The following FAM163A variants were observed in gnomAD, a reference collection of about 807,000 sequenced individuals.
The protein encoded by FAM163A is family with sequence similarity 163 member A, also known as protein FAM163A.
In FAM163A, 7 loss-of-function variants were observed where a neutral mutation model predicts 12.0. The ratio of observed to expected loss-of-function variants is 0.58; its 90% CI spans 0.33 to 1.10. The LOEUF is 1.10. Among genes scored for constraint, FAM163A ranks in the 50% least tolerant of loss-of-function variants. FAM163A has a pLI of 0.03. For synonymous variants in FAM163A, 101 were observed against 91.0 expected, an observed-to-expected ratio of 1.11 and a Z score of -0.62; for missense variants, 202 against 218.6, an observed-to-expected ratio of 0.92 and a Z score of 0.48.
At chr1:179,735,255 A>G in the FAM163A span, among the ~76,000 whole-genome samples, 47,255 of 152,012 alleles carry the variant, frequency 0.31, 7,552 homozygotes, top group South Asian at 0.42. Context: ...AAAAGATTGG[A>G]TAAAATATGT....
chr1:179,728,143 C>T, the FAM163A span, among the ~76,000 whole-genome samples: 3 of 152,152 alleles, frequency 2.0e-5, no homozygotes, highest in Admixed American at 2.0e-4. Flanking sequence ...ATAGTAAGCA[C>T]ATCCCTATTC....
chr1:179,750,755 T>C (rs1685161305), intron 1 of FAM163A, among the ~76,000 whole-genome samples: 1 of 152,228 alleles, frequency 6.6e-6, no homozygotes, highest in Non-Finnish European at 1.5e-5. Flanking sequence ...ACTTTGGCTG[T>C]ATAATTGAAC....
At chr1:179,743,263 C>A (rs60556788), upstream of FAM163A, 34,884 of 152,224 alleles carry the variant, frequency 0.23, 4,692 homozygotes, top group East Asian at 0.63. Context: ...CCTGGAGGGG[C>A]GATGAGGCTC....
At chr1:179,778,552 T>C (rs1432764237) in intron 1 of FAM163A, among the ~76,000 whole-genome samples, 1 of 152,058 alleles carries the variant, frequency 6.6e-6, no homozygotes, top group Non-Finnish European at 1.5e-5. Context: ...AGGAAGACGT[T>C]TTACAGACCA....
chr1:179,794,930 A>C (rs1692055082), intron 1 of FAM163A, among the ~76,000 whole-genome samples: 1 of 152,206 alleles, frequency 6.6e-6, no homozygotes. Flanking sequence ...CCACTGAGCC[A>C]TGAATCTAAT....
intron 1 of FAM163A, among the ~76,000 whole-genome samples, chr1:179,747,525 C>T (rs1434444574): frequency 6.6e-6 from 1 of 152,212 alleles, no homozygotes; most frequent in Non-Finnish European, 1.5e-5. Context: ...AGGTGGAAAG[C>T]CTTCATTGAG....
chr1:179,813,017 C>CA, intron 3 of FAM163A, 59 bp from the exon 4 acceptor site: 1 of 1,494,890 alleles, frequency 6.7e-7, no homozygotes, highest in Non-Finnish European at 9.1e-7. Flanking sequence ...AAGACTCCCC[C>CA]CGGCCCAGCC....
the FAM163A span, among the ~76,000 whole-genome samples, chr1:179,731,694 C>T: frequency 2.0e-5 from 3 of 152,210 alleles, no homozygotes; most frequent in Admixed American, 6.5e-5. Flanking sequence ...GGAACAACCC[C>T]TCATAACTCC....
intron 3 of FAM163A, 100 bp from the exon 4 acceptor site, chr1:179,812,976 C>A: frequency 2.7e-6 from 3 of 1,115,564 alleles, no homozygotes; most frequent in Non-Finnish European, 3.9e-6. Flanking sequence ...TGCTCTCAGG[C>A]CCCCTGCCCC....
chr1:179,765,130 C>G (rs951348772), intron 1 of FAM163A, among the ~76,000 whole-genome samples: 10 of 152,152 alleles, frequency 6.6e-5, no homozygotes, highest in Admixed American at 1.3e-4. Flanking sequence ...TCTTCCTCGC[C>G]CCATGGCTGC....
intron 1 of FAM163A, among the ~76,000 whole-genome samples, chr1:179,777,232 ATCT>A (rs1273384185): frequency 1.3e-5 from 2 of 152,200 alleles, no homozygotes; most frequent in African/African-American, 2.4e-5. Flanking sequence ...AAGAATGGTA[ATCT>A]TCTTAAATTT....
the FAM163A span, among the ~76,000 whole-genome samples, chr1:179,734,067 G>A: frequency 6.6e-6 from 1 of 152,178 alleles, no homozygotes; most frequent in Non-Finnish European, 1.5e-5. Flanking sequence ...TGTTTTTGCA[G>A]CAAAATGAAT....
chr1:179,752,476 CAAA>C (rs33926633), intron 1 of FAM163A, among the ~76,000 whole-genome samples: 2,420 of 127,962 alleles, frequency 0.019, 36 homozygotes, highest in African/African-American at 0.057. Context: ...TTTGTACAGC[CAAA>C]AAAAAAAAAA....
At chr1:179,791,022 C>T (rs1557950703) in intron 1 of FAM163A, among the ~76,000 whole-genome samples, 3 of 152,286 alleles carry the variant, frequency 2.0e-5, no homozygotes, top group East Asian at 3.9e-4. Context: ...CCCTTTTAGG[C>T]CCACTGTACC....
chr1:179,727,811 A>C, the FAM163A span, among the ~76,000 whole-genome samples: 1 of 152,200 alleles, frequency 6.6e-6, no homozygotes, highest in Non-Finnish European at 1.5e-5. Flanking sequence ...GGTGTTTTGG[A>C]AGCATAGAGA....
intron 2 of FAM163A, among the ~76,000 whole-genome samples, chr1:179,808,968 G>A (rs968580877): frequency 8.5e-5 from 13 of 152,180 alleles, no homozygotes; most frequent in South Asian, 4.1e-4. Flanking sequence ...TTAGCCAGCC[G>A]TGGTAGCACA....
intron 1 of FAM163A, among the ~76,000 whole-genome samples, chr1:179,752,050 A>C (rs1187999914): frequency 6.6e-6 from 1 of 152,214 alleles, no homozygotes; most frequent in Admixed American, 6.5e-5. Flanking sequence ...ATTTCAAACT[A>C]TATTATAAAA....
chr1:179,765,677 A>ATTTT lies in FAM163A; in HGVS notation c.-136+22273_-136+22276dup, dbSNP rs749528573. ...CTGGTTAAGGAATTGAGCTTTGGGA[A>ATTTT]TTTTTTTTTTTTTTTTTTTTTTGCT... is the stretch of plus-strand genomic sequence containing the variant. On this transcript the variant is annotated intron_variant, in intron 1 of 4. Coordinates refer to ENST00000341785, the MANE Select transcript of FAM163A (RefSeq NM_173509.3). Among the ~76,000 whole-genome samples, 86 of 127,180 alleles carry ATTTT rather than the reference A, an allele frequency of 6.8e-4. 1 individual carries two copies. The highest frequency in any genetic ancestry group is 2.3e-3 in the African/African-American group (78 of 33,526). The allele number at this position is 127,180 out of a possible 152,430, so 83.4% of individuals were successfully genotyped here. A position where few individuals can be genotyped will look rare whatever the true frequency, so the allele number is the denominator to read the frequency against.
chr1:179,772,565 A>G (rs932302667), intron 1 of FAM163A, among the ~76,000 whole-genome samples: 17 of 152,216 alleles, frequency 1.1e-4, no homozygotes, highest in Admixed American at 5.2e-4. Context: ...TGGTAATTCA[A>G]TGCATACTAA....
Sources: allele counts gnomAD v4.1 joint callset (sites outside exome capture counted in the v4.1 genomes callset), GRCh38; gene constraint gnomAD v4.1.1; transcripts MANE v1.5; gene names NCBI Gene and HGNC (gene_info 2026-07-23, HGNC 2026-07-21).